Variants in TMEM245 observed in about 807,000 individuals in gnomAD.
TMEM245 encodes transmembrane protein 245.
TMEM245 carries 69 observed loss-of-function variants against 101.2 expected under a neutral mutation model. That is an observed-to-expected ratio of 0.68 (90% CI 0.56 to 0.83). The LOEUF (loss-of-function observed/expected upper bound fraction) is 0.83, where lower values mean the gene tolerates loss of function less well. TMEM245 is among the 40% of genes least tolerant of loss of function. The probability of loss-of-function intolerance (pLI) is 0.00; values close to 1 mark genes in which losing one functional copy is unlikely to be tolerated. For synonymous variants in TMEM245, 537 were observed against 449.8 expected, an observed-to-expected ratio of 1.19 and a Z score of -2.45; for missense variants, 1,075 against 1,092.8, an observed-to-expected ratio of 0.98 and a Z score of 0.23.
intron 16 of TMEM245, 63 bp downstream of exon 16, chr9:109,036,143 T>TAAA (rs34730476): frequency 2.3e-4 from 284 of 1,235,400 alleles, no homozygotes; most frequent in South Asian, 3.2e-4. Flanking sequence ...AATCCTCCTT[T>TAAA]AAAAAAAAAA....
chr9:109,035,156 CAAAAAAAAAAAAAAAA>C (rs778574292), intron 16 of TMEM245, among the ~76,000 whole-genome samples: 1 of 51,324 alleles, frequency 1.9e-5, no homozygotes, highest in Non-Finnish European at 3.8e-5. Flanking sequence ...GACTCTGTCT[CAAAAAAAAAAAAAAAA>C]AAAAAAAAAG....
intron 8 of TMEM245, among the ~76,000 whole-genome samples, chr9:109,079,588 G>T (rs936937663): frequency 2.0e-5 from 3 of 152,104 alleles, no homozygotes; most frequent in Non-Finnish European, 4.4e-5. Flanking sequence ...CAGTTTGGAT[G>T]AATTCTACAC....
At chr9:109,041,288 C>G (rs1390777423) in intron 14 of TMEM245, among the ~76,000 whole-genome samples, 1 of 151,934 alleles carries the variant, frequency 6.6e-6, no homozygotes, top group Non-Finnish European at 1.5e-5. Context: ...ATTCAGCCCC[C>G]CCAAAAGAAG....
At chr9:109,064,807 G>A (rs977120389) in intron 9 of TMEM245, among the ~76,000 whole-genome samples, 2 of 152,120 alleles carry the variant, frequency 1.3e-5, no homozygotes, top group Non-Finnish European at 2.9e-5. Flanking sequence ...TTGAGATGGA[G>A]TTTCACTCTT....
chr9:109,076,739 G>T (rs1011281397), intron 8 of TMEM245, among the ~76,000 whole-genome samples: 1 of 152,092 alleles, frequency 6.6e-6, no homozygotes, highest in Non-Finnish European at 1.5e-5. Context: ...CACCCAGCCT[G>T]GACTGCAGTG....
At chr9:109,108,268 G>A (rs1830478474) in intron 2 of TMEM245, among the ~76,000 whole-genome samples, 185 bp downstream of exon 2, 1 of 151,878 alleles carries the variant, frequency 6.6e-6, no homozygotes, top group Non-Finnish European at 1.5e-5. Flanking sequence ...CATAATTAAA[G>A]ACATTTTAAA....
Position 109,036,059 on chromosome 9 carries a change from T to C in TMEM245, c.2399+147A>G, listed in dbSNP as rs72760315. The C allele has an allele frequency of 0.14, 68,421 of 499,024 alleles. 5,483 individuals carry two copies. Among genetic ancestry groups the C allele is most frequent in the African/African-American group, 0.19 (9,449 of 49,544 alleles). 30.9% of individuals were successfully genotyped at this position (499,024 alleles called of 1,614,324 possible). A position where few individuals can be genotyped will look rare whatever the true frequency, so the allele number is the denominator to read the frequency against. Reference sequence around the variant, plus strand: ...AATACTATTTTCAATGAAAATTTCATTTGTGGGAACACAAAAGGCTATTTC... The same window carrying C: ...AATACTATTTTCAATGAAAATTTCACTTGTGGGAACACAAAAGGCTATTTC... On this transcript the variant is annotated intron_variant, in intron 16 of 17. Coordinates refer to ENST00000374586, the MANE Select transcript of TMEM245 (RefSeq NM_032012.4).
intron 8 of TMEM245, among the ~76,000 whole-genome samples, chr9:109,080,565 G>A (rs1170551435): frequency 2.0e-5 from 3 of 151,600 alleles, no homozygotes; most frequent in African/African-American, 7.3e-5. Context: ...AAAAACAAGC[G>A]CCACTTGTTC....
intron 1 of TMEM245, among the ~76,000 whole-genome samples, chr9:109,114,317 G>A (rs1426614627): frequency 1.3e-5 from 2 of 152,190 alleles, no homozygotes; most frequent in East Asian, 1.9e-4. Context: ...TTGCTGCCAG[G>A]CAAGCAGAAA....
At chr9:109,085,936 A>T in intron 7 of TMEM245, 61 bp downstream of exon 7, 1 of 1,555,126 alleles carries the variant, frequency 6.4e-7, no homozygotes, top group Non-Finnish European at 8.9e-7. Context: ...AGAGTGAAAA[A>T]GGCGATACAG....
intron 17 of TMEM245, among the ~76,000 whole-genome samples, chr9:109,023,389 A>G (rs965894212): frequency 2.0e-5 from 3 of 152,374 alleles, no homozygotes; most frequent in Admixed American, 6.5e-5. Flanking sequence ...TCATAAAACT[A>G]TAACTCTCTA....
At chr9:109,075,459 A>T (rs957591216) in intron 8 of TMEM245, among the ~76,000 whole-genome samples, 1 of 152,196 alleles carries the variant, frequency 6.6e-6, no homozygotes, top group African/African-American at 2.4e-5. Context: ...TACATGTTTG[A>T]TAAAACTCAT....
chr9:109,090,806 G>A (rs1829978950), intron 5 of TMEM245, 116 bp downstream of exon 5: 2 of 855,636 alleles, frequency 2.3e-6, no homozygotes, highest in South Asian at 3.8e-5. Context: ...GCAAACATAA[G>A]ATTGTTTTAC....
chr9:109,025,677 T>A (rs1418529131), intron 17 of TMEM245, among the ~76,000 whole-genome samples: 1 of 152,178 alleles, frequency 6.6e-6, no homozygotes, highest in African/African-American at 2.4e-5. Flanking sequence ...AAGAAGTCTA[T>A]CAAAGCAAGT....
At chr9:109,072,883 G>T (rs1184207257) in intron 9 of TMEM245, among the ~76,000 whole-genome samples, 1 of 152,128 alleles carries the variant, frequency 6.6e-6, no homozygotes, top group Non-Finnish European at 1.5e-5. Flanking sequence ...TATATAGAAA[G>T]TTGAGGAGTT....
chr9:109,037,083 G>A (rs1564172895), intron 15 of TMEM245, among the ~76,000 whole-genome samples: 1 of 152,134 alleles, frequency 6.6e-6, no homozygotes, highest in Non-Finnish European at 1.5e-5. Context: ...AGACAAATAG[G>A]GAAAGGGGGG....
intron 3 of TMEM245, among the ~76,000 whole-genome samples, chr9:109,100,506 ATTTTT>A (rs1288301053): frequency 6.6e-6 from 1 of 151,576 alleles, no homozygotes; most frequent in Non-Finnish European, 1.5e-5. Context: ...ATTTTATTTT[ATTTTT>A]ATGTATTTAT....
chr9:109,077,052 T>G lies in TMEM245; in HGVS notation c.1450-3614A>C, dbSNP rs971933272. ...TTCTGGTGAGTATTCCATGTTTTCT[T>G]GAAAAGAATATAATTTTTGTTATAA... On this transcript the variant is annotated intron_variant, in intron 8 of 17. Coordinates refer to ENST00000374586, the MANE Select transcript of TMEM245 (RefSeq NM_032012.4). Among the ~76,000 whole-genome samples, 7 of 151,748 alleles carry G rather than the reference T, an allele frequency of 4.6e-5. No individual in the cohort carries two copies. In the South Asian group the frequency reaches 1.0e-3, roughly 23 times the overall value.
At chr9:109,049,021 A>G (rs1399348115) in intron 14 of TMEM245, among the ~76,000 whole-genome samples, 2 of 152,210 alleles carry the variant, frequency 1.3e-5, no homozygotes, top group Non-Finnish European at 2.9e-5. Flanking sequence ...AGCAAAGCTA[A>G]AACTCCTGAC....
Sources: gnomAD v4.1 joint callset for allele counts (sites outside exome capture counted in the v4.1 genomes callset) on GRCh38, gnomAD v4.1.1 for gene constraint, MANE v1.5 for transcripts, NCBI Gene and HGNC (gene_info 2026-07-23, HGNC 2026-07-21) for gene names.